CARMIL1: variants seen among roughly 807,000 people sequenced by gnomAD.
CARMIL1 encodes F-actin-uncapping protein LRRC16A.
Under a neutral mutation model 177.1 loss-of-function variants are expected in CARMIL1, and 90 were observed. That is an observed-to-expected ratio of 0.51 (90% CI 0.43 to 0.61). The LOEUF (loss-of-function observed/expected upper bound fraction) is 0.61. Ranked by LOEUF, CARMIL1 falls within the 20% of genes least tolerant of loss-of-function variation. The pLI is 0.00. For missense variants in CARMIL1, 1,380 were observed against 1,667.0 expected (o/e 0.83, Z 3.00); for synonymous variants, 577 against 606.2 (o/e 0.95, Z 0.71).
At position 25,504,812 on chromosome 6, in the gene CARMIL1, T is replaced by G. The variant is rs1804754351; in HGVS notation, c.1395+4577T>G. Reference sequence around the variant, plus strand: ...AAGAGTGAGCCAAGCGTGAGCACTTTGGAATCAAAAGGCCCCCTTTGAAAC... The same window carrying G: ...AAGAGTGAGCCAAGCGTGAGCACTTGGGAATCAAAAGGCCCCCTTTGAAAC... On this transcript the variant is annotated intron_variant, in intron 17 of 36. Transcript: ENST00000329474. Among the ~76,000 whole-genome samples, 3 of 152,194 alleles carry G rather than the reference T, an allele frequency of 2.0e-5. No individual in the cohort carries two copies. The South Asian group carries it at 6.2e-4, about 31-fold the overall frequency.
In CARMIL1 at chr6:25,490,726, TAAATAAATAAATAAATAAATAAATAAAA is replaced by T. The variant is rs1454584615; in HGVS notation, c.1066-1002_1066-975del. On this transcript the variant is annotated intron_variant, in intron 13 of 36. Coordinates refer to ENST00000329474, the MANE Select transcript of CARMIL1 (RefSeq NM_017640.6). ...ATAAATAAATAAATAAATAAATAAA[TAAATAAATAAATAAATAAATAAATAAAA>T]AAAAATAAATGTCATTCTGTGTGTA... 2.0e-3 allele frequency among the ~76,000 whole-genome samples: 253 copies of T among 126,288 alleles called. 1 individual carries two copies. Among genetic ancestry groups the T allele is most frequent in the African/African-American group, 7.6e-3 (231 of 30,388 alleles). 82.8% of individuals were successfully genotyped at this position (126,288 alleles called of 152,430 possible).
chr6:25,576,977 C>A, intron 29 of CARMIL1: 6 of 985,158 alleles, frequency 6.1e-6, no homozygotes, highest in Non-Finnish European at 7.2e-6. Context: ...TGCATGGAGA[C>A]TCTCTGCTGT....
At chr6:25,452,380 A>G (rs1349308602) in intron 8 of CARMIL1, 1 of 605,394 alleles carries the variant, frequency 1.7e-6, no homozygotes, top group African/African-American at 1.9e-5. Context: ...AGTATTTTCC[A>G]ATAAAACAAG....
intron 2 of CARMIL1, among the ~76,000 whole-genome samples, chr6:25,317,606 A>C (rs1581545565): frequency 8.0e-6 from 1 of 125,422 alleles, no homozygotes; most frequent in Admixed American, 9.8e-5. Context: ...TCTCATCGTC[A>C]CCCAGGTTAG....
chr6:25,567,354 C>T (rs191899109), intron 29 of CARMIL1, among the ~76,000 whole-genome samples: 70 of 152,318 alleles, frequency 4.6e-4, no homozygotes, highest in African/African-American at 1.3e-3. Context: ...GGGGGAGATA[C>T]TAACCTATGG....
Position 25,619,359 on chromosome 6 carries a change from T to C in CARMIL1, c.3980-88T>C, listed in dbSNP as rs943026684. The C allele has an allele frequency of 1.0e-5, 14 of 1,385,636 alleles. No individual in the cohort carries two copies. The African/African-American group carries it at 2.1e-4, about 21-fold the overall frequency. The allele number at this position is 1,385,636 out of a possible 1,614,324, so 85.8% of individuals were successfully genotyped here. On this transcript the variant is annotated intron_variant, in intron 36 of 36. Coordinates refer to ENST00000329474, the MANE Select transcript of CARMIL1 (RefSeq NM_017640.6). ...CTGGCCCCCTCCCCTCCCCCAAACCTTCAAGGCTACTGCATCTCAGCCCAT... is the reference window on the plus strand; with the variant it reads ...CTGGCCCCCTCCCCTCCCCCAAACCCTCAAGGCTACTGCATCTCAGCCCAT...
intron 32 of CARMIL1, among the ~76,000 whole-genome samples, chr6:25,596,608 T>C (rs780714197): frequency 5.9e-5 from 9 of 152,194 alleles, no homozygotes; most frequent in Non-Finnish European, 1.2e-4. Flanking sequence ...ACTTAAATGA[T>C]GATAATACAG....
At chr6:25,408,823 GA>G (rs112760197) in intron 2 of CARMIL1, among the ~76,000 whole-genome samples, 11,296 of 112,762 alleles carry the variant, frequency 0.1, 417 homozygotes, top group Non-Finnish European at 0.13. Flanking sequence ...ACATAAAATA[GA>G]AAAAAAAAAA....
chr6:25,585,274 C>T (rs955773098), intron 31 of CARMIL1, among the ~76,000 whole-genome samples: 5 of 152,186 alleles, frequency 3.3e-5, no homozygotes, highest in African/African-American at 1.2e-4. Context: ...TTAGTAAGAG[C>T]AATTATTAAC....
intron 8 of CARMIL1, chr6:25,452,662 A>G (rs751757170): frequency 6.5e-6 from 1 of 153,286 alleles, no homozygotes; most frequent in Admixed American, 6.5e-5. Context: ...CAGCAAGAAG[A>G]GTGGCATTGG....
chr6:25,407,473 G>A lies in CARMIL1; in HGVS notation c.139-12641G>A, dbSNP rs116810068. On this transcript the variant is annotated intron_variant, in intron 2 of 36. Coordinates refer to ENST00000329474, the MANE Select transcript of CARMIL1 (RefSeq NM_017640.6). ...GGTACAGCTGCAGATGCAGGCAGGTGTGGAGGTTTGGAGTGGAATGGTAAG... is the reference window on the plus strand; with the variant it reads ...GGTACAGCTGCAGATGCAGGCAGGTATGGAGGTTTGGAGTGGAATGGTAAG... Among the ~76,000 whole-genome samples, 803 of 152,268 alleles carry A rather than the reference G, an allele frequency of 5.3e-3. 8 individuals are homozygous for A. The highest frequency in any genetic ancestry group is 0.012 in the African/African-American group (510 of 41,560).
Position 25,500,244 on chromosome 6 carries a change from AC to A in CARMIL1, c.1395+12del. On this transcript the variant is annotated intron_variant, in intron 17 of 36. Transcript: ENST00000329474. ...ATCTCAGCAACTGTGAGGTAAGAAC[AC>A]CCTTAGATTGTATACTGGAATAGAT... The A allele has an allele frequency of 1.2e-6, 2 of 1,612,280 alleles. No individual in the cohort carries two copies. The highest frequency in any genetic ancestry group is 1.7e-6 in the Non-Finnish European group (2 of 1,178,506).
intron 2 of CARMIL1, among the ~76,000 whole-genome samples, chr6:25,386,553 A>C (rs1416324225): frequency 6.6e-6 from 1 of 152,022 alleles, no homozygotes; most frequent in Non-Finnish European, 1.5e-5. Context: ...TGTTGTTTGT[A>C]ATCTGATATC....
Position 25,279,460 on chromosome 6 carries a change from G to A in CARMIL1, c.-336G>A. ...GAGCTACGCCGGCCCAAGCCCCGCC[G>A]GGGACCAGCGAGCCGGGAGGAGGAG... is the stretch of plus-strand genomic sequence containing the variant. On this transcript the variant is annotated 5_prime_UTR_variant, in exon 1 of 37. Coordinates refer to ENST00000329474, the MANE Select transcript of CARMIL1 (RefSeq NM_017640.6). 2 of 424,100 alleles carry A rather than the reference G, an allele frequency of 4.7e-6. No homozygotes were observed. Among genetic ancestry groups the A allele is most frequent in the Non-Finnish European group, 8.6e-6 (2 of 232,186 alleles). The allele number at this position is 424,100 out of a possible 1,614,324, so 26.3% of individuals were successfully genotyped here. A position where few individuals can be genotyped will look rare whatever the true frequency, so the allele number is the denominator to read the frequency against.
At chr6:25,357,399 T>C (rs1349255797) in intron 2 of CARMIL1, among the ~76,000 whole-genome samples, 1 of 152,116 alleles carries the variant, frequency 6.6e-6, no homozygotes, top group Non-Finnish European at 1.5e-5. Flanking sequence ...CTGGCCAACA[T>C]GGCAAAACCT....
In CARMIL1 at chr6:25,456,869, A is replaced by G. The variant is rs113990304; in HGVS notation, c.614+6158A>G. 9.0e-3 allele frequency among the ~76,000 whole-genome samples: 1,364 copies of G among 152,078 alleles called. 20 individuals are homozygous for G. Among genetic ancestry groups the G allele is most frequent in the African/African-American group, 0.03 (1,243 of 41,476 alleles). ...TTTTGTGTTGTCATATTTCTTACTG[A>G]TCAGGGTGACATTCTTGAGTGTGAT... On this transcript the variant is annotated intron_variant, in intron 8 of 36. Coordinates refer to ENST00000329474, the MANE Select transcript of CARMIL1 (RefSeq NM_017640.6).
intron 8 of CARMIL1, among the ~76,000 whole-genome samples, chr6:25,459,268 T>TTCTTTC (rs760311925): frequency 9.9e-5 from 12 of 121,210 alleles, no homozygotes; most frequent in African/African-American, 2.9e-4. Flanking sequence ...CTTTCTTTCT[T>TTCTTTC]TTTTTTTTTT....
At chr6:25,598,776 G>C (rs1179322668) in intron 32 of CARMIL1, among the ~76,000 whole-genome samples, 2 of 152,168 alleles carry the variant, frequency 1.3e-5, no homozygotes, top group African/African-American at 4.8e-5. Context: ...TTGGAAATTT[G>C]TGGGTAGAGC....
intron 2 of CARMIL1, among the ~76,000 whole-genome samples, chr6:25,392,021 T>G (rs1299049504): frequency 6.6e-6 from 1 of 151,466 alleles, no homozygotes; most frequent in Non-Finnish European, 1.5e-5. Context: ...TCTTAGGCTG[T>G]TTTTTTGTGT....
Sources: allele counts gnomAD v4.1 joint callset (sites outside exome capture counted in the v4.1 genomes callset), GRCh38; gene constraint gnomAD v4.1.1; transcripts MANE v1.5; gene names NCBI Gene and HGNC (gene_info 2026-07-23, HGNC 2026-07-21).